The following ETV4 variants were observed in gnomAD, a reference collection of about 807,000 sequenced individuals.
ETV4 encodes ETS translocation variant 4.
A neutral mutation model predicts 65.9 loss-of-function variants in ETV4; 42 were observed. That is an observed-to-expected ratio of 0.64 (90% confidence interval 0.50 to 0.82). The LOEUF (loss-of-function observed/expected upper bound fraction) is 0.82. ETV4 is among the 40% of genes least tolerant of loss of function. ETV4 has a pLI of 0.00. For synonymous variants in ETV4, 238 were observed against 260.0 expected, an observed-to-expected ratio of 0.92 and a Z score of 0.81; for missense variants, 583 against 630.3, an observed-to-expected ratio of 0.92 and a Z score of 0.80.
At chr17:43,543,055 G>A (rs1243365125) in intron 4 of ETV4, among the ~76,000 whole-genome samples, 1 of 152,012 alleles carries the variant, frequency 6.6e-6, no homozygotes, top group East Asian at 1.9e-4. Flanking sequence ...ATCTGTCTCC[G>A]CAGAGAAAGT....
intron 1 of ETV4, chr17:43,545,982 C>CGTGTGTGTGTGTGT (rs1971805493): frequency 8.2e-6 from 1 of 122,510 alleles, no homozygotes; most frequent in African/African-American, 3.7e-5. Context: ...TGTGTGTGTA[C>CGTGTGTGTGTGTGT]GCGCGCGCGC....
At chr17:43,529,763 G>T in intron 10 of ETV4, 87 bp from the exon 11 acceptor site, 3 of 1,591,230 alleles carry the variant, frequency 1.9e-6, no homozygotes, top group Non-Finnish European at 1.7e-6. Flanking sequence ...TTCTCGAAGG[G>T]GTCTCCCCAG....
chr17:43,533,021 A>C, intron 7 of ETV4, 82 bp from the exon 8 acceptor site: 1 of 1,513,514 alleles, frequency 6.6e-7, no homozygotes, highest in African/African-American at 1.4e-5. Context: ...AGGCTTTTAG[A>C]GTGGGCTCCG....
In ETV4 at chr17:43,545,001, T is replaced by A; in HGVS notation, c.176A>T (p.His59Leu). The A allele has an allele frequency of 6.2e-7, 1 of 1,613,840 alleles. No individual in the cohort carries two copies. Among genetic ancestry groups the A allele is most frequent in the Non-Finnish European group, 8.5e-7 (1 of 1,179,930 alleles). ...DSEDLFQDLS[H>L]FQETWLAEAQ... ...TTCAGCGAGCCACGTCTCCTGGAAG[T>A]GACTTAGATCCTGGAAGAGATCTGA... Residue 59 changes from histidine (H) to leucine (L), a missense_variant, in exon 4 of 13, where the codon CAC becomes CTC. Coordinates refer to ENST00000319349, the MANE Select transcript of ETV4 (RefSeq NM_001079675.5).
chr17:43,542,735 T>G (rs760494186), intron 4 of ETV4, among the ~76,000 whole-genome samples: 8 of 152,196 alleles, frequency 5.3e-5, no homozygotes, highest in Non-Finnish European at 1.2e-4. Context: ...TTCCTGTATC[T>G]GCCCGGCTCC....
At chr17:43,543,927 C>G (rs1415087092) in intron 4 of ETV4, 1 of 152,016 alleles carries the variant, frequency 6.6e-6, no homozygotes. Context: ...CTTTTTACTC[C>G]GAGCTTCTAT....
intron 2 of ETV4, 57 bp from the exon 3 acceptor site, chr17:43,545,424 C>T: frequency 7.7e-6 from 11 of 1,436,728 alleles, no homozygotes; most frequent in Non-Finnish European, 9.4e-6. Flanking sequence ...GTCTGGGGGA[C>T]GAGGTTGGGG....
At chr17:43,528,815 G>T in intron 12 of ETV4, 72 bp from the exon 13 acceptor site, 1 of 1,248,098 alleles carries the variant, frequency 8.0e-7, no homozygotes, top group African/African-American at 1.5e-5. Flanking sequence ...GTGGGGGAGT[G>T]GGGAATGTGG....
rs1324728644 is a variant in ETV4, at chr17:43,530,149, T to C, written c.844A>G (p.Thr282Ala). ...VTGCASMYLH[T>A]EGFSGPSPGD... is the part of the protein sequence containing the mutation. Reference sequence around the variant, plus strand: ...GGAGAGGGCCCAGAGAAGCCCTCTGTGTGGAGGTACATTGATGCGCACCCG... The same window carrying C: ...GGAGAGGGCCCAGAGAAGCCCTCTGCGTGGAGGTACATTGATGCGCACCCG... Residue 282 changes from threonine (T) to alanine (A), a missense_variant, in exon 9 of 13, where the codon ACA (threonine) becomes GCA (alanine). Transcript: ENST00000319349. 1 of 1,562,476 alleles carries C rather than the reference T, an allele frequency of 6.4e-7. No individual in the cohort carries two copies. Among genetic ancestry groups the C allele is most frequent in the Non-Finnish European group, 8.7e-7 (1 of 1,153,054 alleles).
rs34640745 is a variant in ETV4, at chr17:43,545,194, CGTGTGTGTGT to C, written c.154+70_154+79del. 2,882 of 636,788 alleles carry C rather than the reference CGTGTGTGTGT, an allele frequency of 4.5e-3. 1 individual carries two copies. The highest frequency in any genetic ancestry group is 5.6e-3 in the Non-Finnish European group (2,194 of 389,406). The allele number at this position is 636,788 out of a possible 1,614,324, so 39.4% of individuals were successfully genotyped here. ...AACAGGCGGGGGTTCCAGAATCGGC[CGTGTGTGTGT>C]GTGTGTGTGTGTGTGTGTGTGTGTG... On this transcript the variant is annotated intron_variant, in intron 3 of 12. Transcript: ENST00000319349.
intron 4 of ETV4, among the ~76,000 whole-genome samples, chr17:43,537,198 T>C (rs116883170): frequency 0.011 from 1,676 of 150,148 alleles, 16 homozygotes; most frequent in Non-Finnish European, 0.019. Context: ...AAACCCCATC[T>C]TTACTAAAAG....
At chr17:43,529,392 G>A in intron 11 of ETV4, 112 bp downstream of exon 11, 1 of 1,436,710 alleles carries the variant, frequency 7.0e-7, no homozygotes. Context: ...CAAGAATTCA[G>A]GTTAGGTAAA....
intron 5 of ETV4, among the ~76,000 whole-genome samples, chr17:43,536,117 AAAACAAACAAAC>A (rs113078365): frequency 2.6e-5 from 4 of 151,608 alleles, no homozygotes; most frequent in Non-Finnish European, 5.9e-5. Context: ...TCTTGGGGGG[AAAACAAACAAAC>A]AAACAAACAA....
chr17:43,543,828 G>A (rs1971653169), intron 4 of ETV4: 1 of 152,136 alleles, frequency 6.6e-6, no homozygotes, highest in Non-Finnish European at 1.5e-5. Flanking sequence ...ATGCTAAATA[G>A]TCATTCTGTC....
chr17:43,535,862 C>G (rs1971216155), intron 5 of ETV4, among the ~76,000 whole-genome samples: 1 of 152,160 alleles, frequency 6.6e-6, no homozygotes, highest in South Asian at 2.1e-4. Context: ...CCTGTAGTCC[C>G]AACACTATGG....
intron 8 of ETV4, 121 bp downstream of exon 8, chr17:43,532,553 A>T (rs968592121): frequency 1.1e-6 from 1 of 908,120 alleles, no homozygotes; most frequent in African/African-American, 1.7e-5. Flanking sequence ...TGAAGAAAAA[A>T]AGTGGGTGGG....
chr17:43,541,036 CG>C lies in ETV4; in HGVS notation c.202+3938del, dbSNP rs1206032662. On this transcript the variant is annotated intron_variant, in intron 4 of 12. Transcript: ENST00000319349. ...CATCATCTTGCCTTTCTTCCTGCCT[CG>C]GGCCTGACAGTTTAACCAGGGACCC... is the stretch of plus-strand genomic sequence containing the variant. Among the ~76,000 whole-genome samples, 3 of 152,264 alleles carry C rather than the reference CG, an allele frequency of 2.0e-5. No homozygotes were observed. In the East Asian group the frequency reaches 5.8e-4, roughly 29 times the overall value.
Position 43,533,258 on chromosome 17 carries a change from C to T in ETV4, c.474G>A (p.Glu158=), listed in dbSNP as rs1171008035. Reference sequence around the variant, plus strand: ...CAGAGGATCTCAGGAAATTCCGTTGCTCTGCCCGGGGAAAGGGCTGTAGGG... The same window carrying T: ...CAGAGGATCTCAGGAAATTCCGTTGTTCTGCCCGGGGAAAGGGCTGTAGGG... The part of the protein sequence containing the change: ...QSPLQPFPRA[E]QRNFLRSSGT... The change falls in exon 7 of 13, where the codon GAG becomes GAA. Residue 158 remains glutamate (E), a synonymous_variant. Coordinates refer to ENST00000319349, the MANE Select transcript of ETV4 (RefSeq NM_001079675.5). 2 of 1,613,956 alleles carry T rather than the reference C, an allele frequency of 1.2e-6. No individual in the cohort carries two copies. The highest frequency in any genetic ancestry group is 2.2e-5 in the East Asian group (1 of 44,860).
intron 6 of ETV4, among the ~76,000 whole-genome samples, 161 bp from the exon 7 acceptor site, chr17:43,533,509 ATTCTT>A (rs1971073354): frequency 6.6e-6 from 1 of 152,052 alleles, no homozygotes; most frequent in African/African-American, 2.4e-5. Flanking sequence ...GCCCTAGCCA[ATTCTT>A]TTCTTTTTCA....
Sources: gnomAD v4.1 joint callset for allele counts (sites outside exome capture counted in the v4.1 genomes callset) on GRCh38, gnomAD v4.1.1 for gene constraint, MANE v1.5 for transcripts, NCBI Gene and HGNC (gene_info 2026-07-23, HGNC 2026-07-21) for gene names.